The following SLCO1B3 variants were observed in gnomAD, a reference collection of about 807,000 sequenced individuals.
SLCO1B3 encodes the protein liver-specific organic anion transporter 2.
A neutral mutation model predicts 71.8 loss-of-function variants in SLCO1B3; 72 were observed. The ratio of observed to expected loss-of-function variants is 1.00; its 90% CI spans 0.83 to 1.22. SLCO1B3 has a LOEUF of 1.22. SLCO1B3 is among the 50% of genes most tolerant of loss of function. The pLI is 0.00. For missense variants in SLCO1B3, 911 were observed against 819.7 expected, an observed-to-expected ratio of 1.11 and a Z score of -1.36; for synonymous variants, 298 against 278.4, an observed-to-expected ratio of 1.07 and a Z score of -0.70.
Position 20,914,360 on chromosome 12 carries a change from C to T in SLCO1B3, c.1866-1644C>T, listed in dbSNP as rs747917907. On this transcript the variant is annotated intron_variant, in intron 15 of 15. Transcript: ENST00000381545. ...CTAATCCAAGTTTATATTTTAGTAA[C>T]ACTTTATTAGTTCACAGATTATGAG... 1.3e-3 allele frequency among the ~76,000 whole-genome samples: 198 copies of T among 152,108 alleles called. 1 individual carries two copies. The highest frequency in any genetic ancestry group is 1.5e-3 in the Non-Finnish European group (104 of 67,988).
chr12:20,853,969 T>C (rs1209385726), intron 3 of SLCO1B3, among the ~76,000 whole-genome samples: 1 of 148,622 alleles, frequency 6.7e-6, no homozygotes, highest in Non-Finnish European at 1.5e-5. Flanking sequence ...TTTGACCCAT[T>C]GGTTGTGTAA....
intron 3 of SLCO1B3, among the ~76,000 whole-genome samples, chr12:20,820,862 G>A (rs574235288): frequency 2.0e-5 from 3 of 152,258 alleles, no homozygotes; most frequent in Admixed American, 1.3e-4. Flanking sequence ...AGAAAAAGGA[G>A]CATTAACCTT....
At chr12:20,915,941 A>T in intron 15 of SLCO1B3, 63 bp from the exon 16 acceptor site, 1 of 1,361,458 alleles carries the variant, frequency 7.3e-7, no homozygotes, top group Non-Finnish European at 1.0e-6. Context: ...CTGGGGAGAA[A>T]AAAATGTAAG....
intron 3 of SLCO1B3, among the ~76,000 whole-genome samples, chr12:20,841,223 CT>C (rs1251731773): frequency 1.3e-5 from 2 of 152,098 alleles, no homozygotes; most frequent in Non-Finnish European, 2.9e-5. Context: ...GTCCTCATCT[CT>C]TTTATGGATC....
chr12:20,855,285 A>T, intron 4 of SLCO1B3, 116 bp downstream of exon 4: 1 of 846,180 alleles, frequency 1.2e-6, no homozygotes, highest in South Asian at 1.8e-5. Context: ...TCTCATGGGC[A>T]ATTTGGCAAT....
intron 4 of SLCO1B3, among the ~76,000 whole-genome samples, chr12:20,857,175 T>C (rs1324697133): frequency 6.6e-6 from 1 of 152,316 alleles, no homozygotes; most frequent in Non-Finnish European, 1.5e-5. Flanking sequence ...GTAATTTTCA[T>C]GCACTGATAT....
At chr12:20,825,476 T>C (rs917818961) in intron 3 of SLCO1B3, among the ~76,000 whole-genome samples, 6 of 152,114 alleles carry the variant, frequency 3.9e-5, no homozygotes, top group African/African-American at 1.4e-4. Flanking sequence ...GTGTGCTTTT[T>C]AGACCCAGAA....
intron 15 of SLCO1B3, among the ~76,000 whole-genome samples, chr12:20,911,636 G>T (rs1234100059): frequency 6.6e-6 from 1 of 152,162 alleles, no homozygotes; most frequent in East Asian, 1.9e-4. Context: ...TATTCAGATA[G>T]TCTGTTTCTT....
chr12:20,815,792 A>C lies in SLCO1B3; in HGVS notation c.54A>C (p.Lys18Asn). 6.3e-7 allele frequency: 1 copy of C among 1,598,752 alleles called. No individual in the cohort carries two copies. Among genetic ancestry groups the C allele is most frequent in the Non-Finnish European group, 8.5e-7 (1 of 1,171,590 alleles). Residue 18 changes from lysine (K) to asparagine (N), a missense_variant, in exon 3 of 16, where the codon AAA (lysine) becomes AAC (asparagine). Coordinates refer to ENST00000381545, the MANE Select transcript of SLCO1B3 (RefSeq NM_019844.4). Reference protein sequence around the residue: ...NKTAESASSEKKKTRRCNGFK... With the variant: ...NKTAESASSENKKTRRCNGFK... ...CAGCAGAGTCAGCATCTTCAGAGAA[A>C]AAGAAAACAAGACGCTGCAATGGAT...
chr12:20,877,047 T>TC lies in SLCO1B3; in HGVS notation c.971-724dup, dbSNP rs1479518696. On this transcript the variant is annotated intron_variant, in intron 9 of 15. Transcript: ENST00000381545. ...GGTTTCACCGTGTTGGCCAGGCTGG[T>TC]CTGGAACTCCTGAGCTGAGACAATC... 1.1e-4 allele frequency among the ~76,000 whole-genome samples: 17 copies of TC among 152,220 alleles called. No individual in the cohort carries two copies. In the East Asian group the frequency reaches 2.5e-3, roughly 23 times the overall value.
At chr12:20,895,117 C>T (rs1263194159) in intron 13 of SLCO1B3, among the ~76,000 whole-genome samples, 2 of 152,132 alleles carry the variant, frequency 1.3e-5, no homozygotes, top group African/African-American at 4.8e-5. Context: ...TCCAACAACA[C>T]GTGGGAATTA....
chr12:20,858,622 G>A, intron 5 of SLCO1B3, 51 bp downstream of exon 5: 2 of 1,527,884 alleles, frequency 1.3e-6, no homozygotes, highest in Non-Finnish European at 1.8e-6. Flanking sequence ...TTGTAAATTA[G>A]CAGTAGAATT....
intron 3 of SLCO1B3, among the ~76,000 whole-genome samples, chr12:20,844,018 A>T (rs1864855716): frequency 6.6e-6 from 1 of 151,836 alleles, no homozygotes; most frequent in Non-Finnish European, 1.5e-5. Flanking sequence ...TTTATTTTTT[A>T]AATTTTCTCC....
chr12:20,916,216 TG>T lies in SLCO1B3; in HGVS notation c.2080del (p.Asp694ThrfsTer16). 1 of 1,613,122 alleles carries T rather than the reference TG, an allele frequency of 6.2e-7. No homozygotes were observed. The highest frequency in any genetic ancestry group is 8.5e-7 in the Non-Finnish European group (1 of 1,179,270). ...SAGTDSKTCN[L>X]DMQDNAAAN ...GGAACAGATAGTAAAACATGTAATT[TG>T]GACATGCAAGACAATGCTGCTGCCA... is the stretch of plus-strand genomic sequence containing the variant. On this transcript the variant is annotated frameshift_variant, in exon 16 of 16. Coordinates refer to ENST00000381545, the MANE Select transcript of SLCO1B3 (RefSeq NM_019844.4). LOFTEE classifies it low-confidence loss of function (END_TRUNC).
rs577498680 is a variant in SLCO1B3, at chr12:20,879,545, G to A, written c.1245G>A (p.Ser415=). Residue 415 remains serine, a synonymous_variant, in exon 11 of 16, where the codon TCG becomes TCA. Transcript: ENST00000381545. ...VGIAKFSFLT[S]MISFLFQLLY... is the part of the protein sequence containing the mutation. ...TTGCCAAATTTTCATTTCTTACTTCGATGATATCCTTCTTGTTTCAACTTC... is the reference window on the plus strand; with the variant it reads ...TTGCCAAATTTTCATTTCTTACTTCAATGATATCCTTCTTGTTTCAACTTC... 16 of 1,611,944 alleles carry A rather than the reference G, an allele frequency of 9.9e-6. No homozygotes were observed. The highest frequency in any genetic ancestry group is 1.7e-5 in the Admixed American group (1 of 59,740).
chr12:20,895,915 A>G (rs972889673), intron 13 of SLCO1B3, among the ~76,000 whole-genome samples: 8 of 152,170 alleles, frequency 5.3e-5, no homozygotes, highest in Admixed American at 3.9e-4. Context: ...CCAAACCTCA[A>G]TTATTGACTT....
At chr12:20,832,572 T>G (rs755242722) in intron 3 of SLCO1B3, among the ~76,000 whole-genome samples, 5 of 152,194 alleles carry the variant, frequency 3.3e-5, no homozygotes. Flanking sequence ...GAATAATCAC[T>G]CCACATATGT....
chr12:20,883,918 C>A (rs955004677), intron 13 of SLCO1B3, among the ~76,000 whole-genome samples: 7 of 152,042 alleles, frequency 4.6e-5, no homozygotes, highest in Admixed American at 4.6e-4. Context: ...TTTTGAGTTG[C>A]GTTGCATCCT....
At chr12:20,864,573 C>G (rs535638809) in intron 8 of SLCO1B3, among the ~76,000 whole-genome samples, 2 of 152,076 alleles carry the variant, frequency 1.3e-5, no homozygotes, top group Non-Finnish European at 2.9e-5. Flanking sequence ...TGTAGCTACA[C>G]GTTATGTACA....
Sources: allele counts gnomAD v4.1 joint callset (sites outside exome capture counted in the v4.1 genomes callset), GRCh38; gene constraint gnomAD v4.1.1; transcripts MANE v1.5; gene names NCBI Gene and HGNC (gene_info 2026-07-23, HGNC 2026-07-21).